The following PTPRN2 variants were observed in gnomAD, a reference collection of about 807,000 sequenced individuals.
PTPRN2 encodes the protein protein tyrosine phosphatase receptor type N2, also known as receptor-type tyrosine-protein phosphatase N2.
In PTPRN2, 74 loss-of-function variants were observed where a neutral mutation model predicts 118.8. That is an observed-to-expected ratio of 0.62 (90% CI 0.52 to 0.76). The LOEUF (loss-of-function observed/expected upper bound fraction) is 0.76, where lower values mean the gene tolerates loss of function less well. Among genes scored for constraint, PTPRN2 ranks in the 30% least tolerant of loss-of-function variants. PTPRN2 has a pLI of 0.00. For synonymous variants in PTPRN2, 641 were observed against 608.0 expected (o/e 1.05, Z -0.80); for missense variants, 1,481 against 1,394.4 (o/e 1.06, Z -0.99).
At chr7:157,747,927 G>A (rs1206898568) in intron 12 of PTPRN2, among the ~76,000 whole-genome samples, 12 of 140,224 alleles carry the variant, frequency 8.6e-5, no homozygotes, top group African/African-American at 1.4e-4. Context: ...TGGGGTGTCC[G>A]GGCGATTGTG....
rs59912129 is a variant in PTPRN2 at position 157,808,503 on chromosome 7, C to A, written c.1788+90170G>T. 6.6e-6 allele frequency among the ~76,000 whole-genome samples: 1 copy of A among 152,056 alleles called. No individual in the cohort carries two copies. The highest frequency in any genetic ancestry group is 1.5e-5 in the Non-Finnish European group (1 of 68,022). On this transcript the variant is annotated intron_variant, in intron 12 of 22. Transcript: ENST00000389418. This position sits in a 1 kb window ranked among gnomAD's most constrained non-coding sequence, Gnocchi z 5.0. The stretch of plus-strand genomic sequence containing the variant: ...GTGCATGTGAGGGATCCAGGTTGCA[C>A]GCTCCTTATGAAAATCTAATGCCTG...
intron 11 of PTPRN2, among the ~76,000 whole-genome samples, chr7:158,071,582 C>CGTGGTGGTGGAGGTT (rs1563392123): frequency 2.7e-4 from 2 of 7,542 alleles, no homozygotes; most frequent in Non-Finnish European, 5.2e-4. Flanking sequence ...TGGAGGTGCT[C>CGTGGTGGTGGAGGTT]CTGGTGGAGG....
rs76762690 is a variant in PTPRN2, at chr7:158,121,391, C to T, written c.1557-10476G>A. Among the ~76,000 whole-genome samples, 861 of 152,328 alleles carry T rather than the reference C, an allele frequency of 5.7e-3. 11 individuals carry two copies. The highest frequency in any genetic ancestry group is 0.018 in the African/African-American group (758 of 41,568). On this transcript the variant is annotated intron_variant, in intron 9 of 22. Transcript: ENST00000389418. ...CTCATGACTTATTTTAAAAGGTCTC[C>T]AGTACTTTCATATTTTAATCCTGCC... is the stretch of plus-strand genomic sequence containing the variant.
intron 2 of PTPRN2, among the ~76,000 whole-genome samples, chr7:158,479,718 C>T (rs1003593462): frequency 3.9e-5 from 6 of 152,224 alleles, no homozygotes; most frequent in African/African-American, 9.6e-5. Flanking sequence ...GGCCACATGG[C>T]GGAGAGACCA....
chr7:158,543,717 T>C (rs1586911770), intron 1 of PTPRN2, among the ~76,000 whole-genome samples: 2 of 152,350 alleles, frequency 1.3e-5, no homozygotes, highest in South Asian at 4.1e-4. Flanking sequence ...GCTAATTCCA[T>C]GTCAAGGTTT....
intron 17 of PTPRN2, among the ~76,000 whole-genome samples, chr7:157,589,679 C>T (rs1468834414): frequency 6.6e-6 from 1 of 152,230 alleles, no homozygotes; most frequent in African/African-American, 2.4e-5. Flanking sequence ...ACAGTAAAAC[C>T]TCACAGCCAA....
chr7:158,089,588 T>TTC, intron 10 of PTPRN2, among the ~76,000 whole-genome samples: 1 of 118,912 alleles, frequency 8.4e-6, no homozygotes, highest in Non-Finnish European at 1.8e-5. Flanking sequence ...AGAGGGAGTC[T>TTC]TCACACAAAC....
intron 12 of PTPRN2, among the ~76,000 whole-genome samples, chr7:157,727,576 GA>G (rs1799669711): frequency 1.3e-5 from 2 of 152,206 alleles, no homozygotes; most frequent in African/African-American, 4.8e-5. Flanking sequence ...TCCAGTTTGG[GA>G]TGATGGAAGG....
chr7:158,016,625 G>T (rs1806478456), intron 11 of PTPRN2, among the ~76,000 whole-genome samples: 1 of 152,232 alleles, frequency 6.6e-6, no homozygotes, highest in Non-Finnish European at 1.5e-5. Context: ...TCTCCTTGGA[G>T]TCAGTTCCGT....
intron 11 of PTPRN2, among the ~76,000 whole-genome samples, chr7:157,908,215 G>A (rs1797886736): frequency 6.6e-6 from 1 of 152,138 alleles, no homozygotes; most frequent in Non-Finnish European, 1.5e-5. Flanking sequence ...TGCCGGGCCC[G>A]GCCTGGGAGG....
Position 158,510,796 on chromosome 7 carries a change from G to A in PTPRN2, c.113-21011C>T, listed in dbSNP as rs779129549. Among the ~76,000 whole-genome samples, 141 of 152,382 alleles carry A rather than the reference G, an allele frequency of 9.3e-4. 1 individual carries two copies. In the Middle Eastern group the frequency reaches 0.014, roughly 15 times the overall value. On this transcript the variant is annotated intron_variant, in intron 1 of 22. Coordinates refer to ENST00000389418, the MANE Select transcript of PTPRN2 (RefSeq NM_002847.5). The stretch of plus-strand genomic sequence containing the variant: ...AAGAATAAGCCGACAGGTCGGATGT[G>A]AATGTAAAGAATAAGCCGACAGGAC...
chr7:158,528,515 G>A (rs1430430462), intron 1 of PTPRN2, among the ~76,000 whole-genome samples: 2 of 152,056 alleles, frequency 1.3e-5, no homozygotes, highest in Admixed American at 6.6e-5. Flanking sequence ...GGCCAGGCTC[G>A]GTGGCTCACA....
chr7:158,514,290 G>A (rs1407111979), intron 1 of PTPRN2, among the ~76,000 whole-genome samples: 6 of 152,176 alleles, frequency 3.9e-5, no homozygotes, highest in Non-Finnish European at 8.8e-5. Context: ...TCAATGAGGA[G>A]GGATGGCCAC....
chr7:157,633,539 G>A (rs368864104), intron 14 of PTPRN2, among the ~76,000 whole-genome samples: 135 of 152,294 alleles, frequency 8.9e-4, no homozygotes, highest in African/African-American at 3.1e-3. Context: ...AAGAAGATGC[G>A]GACAAGAGTC....
chr7:158,297,055 G>T (rs1206519706), intron 3 of PTPRN2, among the ~76,000 whole-genome samples: 1 of 152,174 alleles, frequency 6.6e-6, no homozygotes, highest in African/African-American at 2.4e-5. Flanking sequence ...AAACACAAAC[G>T]TGCGCCTTAC....
chr7:157,913,394 A>C (rs1440968276), intron 11 of PTPRN2, among the ~76,000 whole-genome samples: 2 of 152,126 alleles, frequency 1.3e-5, no homozygotes, highest in African/African-American at 4.8e-5. Flanking sequence ...TGCACCCTTT[A>C]TCTCTCCTTC....
intron 2 of PTPRN2, among the ~76,000 whole-genome samples, chr7:158,346,725 A>G (rs998918478): frequency 6.6e-5 from 10 of 152,144 alleles, no homozygotes; most frequent in Admixed American, 2.0e-4. Context: ...TAGATTCCCA[A>G]TAGTGCACAA....
At chr7:158,411,256 C>A (rs1222859180) in intron 2 of PTPRN2, among the ~76,000 whole-genome samples, 1 of 152,206 alleles carries the variant, frequency 6.6e-6, no homozygotes, top group African/African-American at 2.4e-5. Context: ...CCAGTGGGTT[C>A]ATTCTCCCTT....
At chr7:157,641,934 C>T (rs972554976) in intron 14 of PTPRN2, among the ~76,000 whole-genome samples, 6 of 152,266 alleles carry the variant, frequency 3.9e-5, no homozygotes, top group African/African-American at 7.2e-5. Flanking sequence ...CTCCTTCCAC[C>T]GTGAACTCCA....
Sources: gnomAD v4.1 joint callset for allele counts (sites outside exome capture counted in the v4.1 genomes callset) on GRCh38, gnomAD v4.1.1 for gene constraint, Gnocchi (gnomAD v3.1) non-coding constraint, MANE v1.5 for transcripts, NCBI Gene and HGNC (gene_info 2026-07-23, HGNC 2026-07-21) for gene names.